ACTR3C: variants seen among roughly 807,000 people sequenced by gnomAD.
ACTR3C encodes actin related protein 3C.
A neutral mutation model predicts 26.3 loss-of-function variants in ACTR3C; 18 were observed. The ratio of observed to expected loss-of-function variants is 0.68; its 90% CI spans 0.47 to 1.01. The LOEUF is 1.01. ACTR3C is among the 50% of genes least tolerant of loss of function. ACTR3C has a pLI of 0.00. For missense variants in ACTR3C, 184 were observed against 250.7 expected (o/e 0.73, Z 1.80); for synonymous variants, 55 against 94.5 (o/e 0.58, Z 2.42).
At chr7:150,300,082 A>G (rs35003066) in intron 1 of ACTR3C, among the ~76,000 whole-genome samples, 7,161 of 152,122 alleles carry the variant, frequency 0.047, 515 homozygotes, top group African/African-American at 0.16. Context: ...GCCGGGCGCA[A>G]TGGCTCACAC....
chr7:150,006,440 G>A, the ACTR3C span, among the ~76,000 whole-genome samples: 6 of 148,006 alleles, frequency 4.1e-5, no homozygotes, highest in East Asian at 5.9e-4. Flanking sequence ...TTTGTGATCC[G>A]CCCGCCTCGG....
chr7:150,149,122 T>C, the ACTR3C span, among the ~76,000 whole-genome samples: 3 of 112,120 alleles, frequency 2.7e-5, no homozygotes, highest in Non-Finnish European at 5.6e-5. Context: ...TATATATATA[T>C]ATATGCATTG....
chr7:150,149,181 A>G, the ACTR3C span, among the ~76,000 whole-genome samples: 2 of 141,154 alleles, frequency 1.4e-5, no homozygotes, highest in African/African-American at 5.2e-5. Context: ...TCATTTGTCT[A>G]TTTTTCTACT....
chr7:150,080,527 ATGTGTGTG>A, the ACTR3C span, among the ~76,000 whole-genome samples: 1,885 of 142,648 alleles, frequency 0.013, 34 homozygotes, highest in African/African-American at 0.043. Context: ...TTGTGTGTGT[ATGTGTGTG>A]TGTGTGTGTG....
the ACTR3C span, among the ~76,000 whole-genome samples, chr7:150,161,222 A>ATATATATATATATT: frequency 7.1e-4 from 86 of 120,396 alleles, 2 homozygotes; most frequent in Middle Eastern, 3.9e-3. Flanking sequence ...ATATATATAT[A>ATATATATATATATT]TATTTATTAT....
chr7:150,033,796 A>AG, the ACTR3C span, among the ~76,000 whole-genome samples: 150 of 144,074 alleles, frequency 1.0e-3, no homozygotes, highest in Non-Finnish European at 1.5e-3. Flanking sequence ...CCTCAGAGCC[A>AG]GGGGGGGAAG....
At chr7:150,038,244 G>T in the ACTR3C span, among the ~76,000 whole-genome samples, 3 of 144,634 alleles carry the variant, frequency 2.1e-5, no homozygotes, top group African/African-American at 5.3e-5. Flanking sequence ...CCTCAAATAG[G>T]GGGGCCATCC....
intron 6 of ACTR3C, among the ~76,000 whole-genome samples, chr7:150,252,443 G>T (rs537102352): frequency 1.3e-4 from 20 of 152,276 alleles, no homozygotes; most frequent in African/African-American, 4.6e-4. Context: ...CTAATGAAGG[G>T]GCTGCTTGGA....
downstream of ACTR3C, among the ~76,000 whole-genome samples, chr7:150,239,538 C>CTATA (rs1421039729): frequency 0.02 from 2,062 of 103,900 alleles, 16 homozygotes; most frequent in Non-Finnish European, 0.026. Context: ...CTCTCTCTCT[C>CTATA]TCTATATATA....
chr7:150,249,599 G>A (rs984450542), intron 6 of ACTR3C, among the ~76,000 whole-genome samples: 2 of 151,954 alleles, frequency 1.3e-5, no homozygotes, highest in African/African-American at 4.8e-5. Flanking sequence ...GATTACAGGC[G>A]CCGGACACAA....
At chr7:149,898,443 C>T in the ACTR3C span, among the ~76,000 whole-genome samples, 1 of 152,214 alleles carries the variant, frequency 6.6e-6, no homozygotes, top group Admixed American at 6.5e-5. Flanking sequence ...CAGTGGCTCA[C>T]GCCTGTAATC....
At chr7:150,034,646 G>T in the ACTR3C span, among the ~76,000 whole-genome samples, 1 of 149,148 alleles carries the variant, frequency 6.7e-6, no homozygotes. Context: ...CTTCGGACCC[G>T]TCGGATCGTA....
chr7:149,928,849 T>C, the ACTR3C span, among the ~76,000 whole-genome samples: 3 of 151,088 alleles, frequency 2.0e-5, no homozygotes, highest in African/African-American at 7.3e-5. Context: ...TCTCAAAAAA[T>C]AAATAAATAA....
chr7:150,220,667 A>G, the ACTR3C span, among the ~76,000 whole-genome samples: 2 of 151,860 alleles, frequency 1.3e-5, no homozygotes, highest in Admixed American at 1.3e-4. Flanking sequence ...GTGTGGGGAG[A>G]GCCAGGGGGA....
the ACTR3C span, among the ~76,000 whole-genome samples, chr7:149,929,342 T>A: frequency 4.9e-5 from 7 of 143,936 alleles, no homozygotes; most frequent in African/African-American, 1.5e-4. Flanking sequence ...GCAGGAGAAT[T>A]CCTTGAACCT....
the ACTR3C span, among the ~76,000 whole-genome samples, chr7:150,112,384 A>G: frequency 6.6e-6 from 1 of 152,198 alleles, no homozygotes; most frequent in Admixed American, 6.5e-5. Context: ...GCACACACAC[A>G]GGCACACACA....
chr7:149,997,838 T>G, the ACTR3C span, among the ~76,000 whole-genome samples: 1 of 150,014 alleles, frequency 6.7e-6, no homozygotes, highest in Non-Finnish European at 1.5e-5. Context: ...GCTCTTTAGT[T>G]TCTGCCTGTA....
chr7:150,214,861 C>T, the ACTR3C span, among the ~76,000 whole-genome samples: 1 of 151,924 alleles, frequency 6.6e-6, no homozygotes, highest in African/African-American at 2.4e-5. Context: ...GTAGAAAAAA[C>T]TCATTCTAGA....
intron 1 of ACTR3C, among the ~76,000 whole-genome samples, chr7:150,322,312 G>C (rs1370336280): frequency 1.3e-5 from 2 of 152,238 alleles, no homozygotes; most frequent in Non-Finnish European, 2.9e-5. Flanking sequence ...CACAGGATGA[G>C]ACAGAAGGTT....
Sources: gnomAD v4.1 joint callset for allele counts (sites outside exome capture counted in the v4.1 genomes callset) on GRCh38, gnomAD v4.1.1 for gene constraint, MANE v1.5 for transcripts, NCBI Gene and HGNC (gene_info 2026-07-23, HGNC 2026-07-21) for gene names.